Variants in PCDH11X observed in about 807,000 individuals in gnomAD.
The protein encoded by PCDH11X is protocadherin 11 X-linked, also known as protocadherin-11 X-linked.
Under a neutral mutation model 53.3 loss-of-function variants are expected in PCDH11X, and 18 were observed. The ratio of observed to expected loss-of-function variants is 0.34; its 90% confidence interval spans 0.23 to 0.50. The LOEUF (loss-of-function observed/expected upper bound fraction) is 0.50. Ranked by LOEUF, PCDH11X falls within the 20% of genes least tolerant of loss-of-function variation. The pLI is 0.98. For missense variants in PCDH11X, 570 were observed against 1,032.4 expected, an observed-to-expected ratio of 0.55 and a Z score of 6.14; for synonymous variants, 279 against 393.3, an observed-to-expected ratio of 0.71 and a Z score of 3.44.
At chrX:91,791,683 G>GGTT (rs780373820) in intron 1 of PCDH11X, among the ~76,000 whole-genome samples, 3 of 94,369 alleles carry the variant, frequency 3.2e-5, no homozygotes, top group Non-Finnish European at 2.1e-5. Flanking sequence ...TCTTTTTAGG[G>GGTT]TTTTTTTTTT....
At chrX:91,800,847 AG>A (rs1185597024) in intron 1 of PCDH11X, among the ~76,000 whole-genome samples, 2 of 108,919 alleles carry the variant, frequency 1.8e-5, no homozygotes, top group African/African-American at 6.7e-5. Context: ...TACATTCAAA[AG>A]TTATTCATTT....
chrX:92,306,566 AAG>A (rs1206194014), intron 8 of PCDH11X, among the ~76,000 whole-genome samples: 1 of 109,424 alleles, frequency 9.1e-6, no homozygotes, highest in Non-Finnish European at 1.9e-5. Flanking sequence ...TCAAGAATGA[AAG>A]AGAGAGATAG....
chrX:92,122,851 T>G (rs944351059), intron 6 of PCDH11X, among the ~76,000 whole-genome samples: 37 of 110,790 alleles, frequency 3.3e-4, no homozygotes, highest in Non-Finnish European at 5.9e-4. Context: ...GCAGGAGAGT[T>G]GCTTGAACCT....
chrX:91,805,658 A>T (rs745924105), intron 1 of PCDH11X, among the ~76,000 whole-genome samples: 3 of 87,056 alleles, frequency 3.4e-5, no homozygotes, highest in African/African-American at 1.1e-4. Flanking sequence ...TCTACAAAAA[A>T]CATTTTTTTT....
intron 7 of PCDH11X, among the ~76,000 whole-genome samples, chrX:92,250,596 T>TATATAC (rs1491457493): frequency 3.8e-5 from 1 of 26,609 alleles, no homozygotes; most frequent in Admixed American, 2.6e-4. Flanking sequence ...TGTGTGTATG[T>TATATAC]ATATATATAT....
chrX:92,163,111 T>A (rs1312576871), intron 6 of PCDH11X, among the ~76,000 whole-genome samples: 1 of 105,013 alleles, frequency 9.5e-6, no homozygotes, highest in Non-Finnish European at 2.0e-5. Flanking sequence ...GTCAGGGAAG[T>A]AGGGGAAAGC....
chrX:92,336,690 A>G (rs1210527532), intron 8 of PCDH11X, among the ~76,000 whole-genome samples: 2 of 111,924 alleles, frequency 1.8e-5, no homozygotes, highest in Non-Finnish European at 3.8e-5. Flanking sequence ...CAAAGTTTTC[A>G]AAGTTTCTAA....
intron 6 of PCDH11X, chrX:91,982,650 A>G: frequency 8.7e-7 from 1 of 1,146,707 alleles, no homozygotes; most frequent in East Asian, 3.0e-5. Flanking sequence ...TAGAGTATTC[A>G]TTTATGCTTG....
intron 10 of PCDH11X, among the ~76,000 whole-genome samples, chrX:92,584,696 G>C (rs748450075): frequency 9.3e-6 from 1 of 107,655 alleles, no homozygotes; most frequent in South Asian, 4.1e-4. Context: ...TGAAAGAAAG[G>C]ATAACAATTC....
chrX:92,058,051 C>T lies in PCDH11X; in HGVS notation c.3034-143324C>T, dbSNP rs531070944. On this transcript the variant is annotated intron_variant, in intron 6 of 10. Coordinates refer to ENST00000682573, the MANE Select transcript of PCDH11X (RefSeq NM_032968.5). ...GGGACAAAACCTCCCAGTGATCTCTCCTCACTTCTCTCAGGCCTATTTTAA... is the reference window on the plus strand; with the variant it reads ...GGGACAAAACCTCCCAGTGATCTCTTCTCACTTCTCTCAGGCCTATTTTAA... Among the ~76,000 whole-genome samples, 14 of 101,024 alleles carry T rather than the reference C, an allele frequency of 1.4e-4. No individual in the cohort carries two copies. In the South Asian group the frequency reaches 5.1e-3, roughly 37 times the overall value. The allele number at this position is 101,024 out of a possible 115,157, so 87.7% of individuals were successfully genotyped here. A position where few individuals can be genotyped will look rare whatever the true frequency, so the allele number is the denominator to read the frequency against.
chrX:92,579,653 C>T (rs1284424872), intron 10 of PCDH11X, among the ~76,000 whole-genome samples: 1 of 110,913 alleles, frequency 9.0e-6, no homozygotes, highest in African/African-American at 3.3e-5. Flanking sequence ...AATGTTTTAT[C>T]GTGGTTCTTA....
At chrX:91,822,311 T>C (rs1390900139) in intron 4 of PCDH11X, among the ~76,000 whole-genome samples, 1 of 105,842 alleles carries the variant, frequency 9.4e-6, no homozygotes, top group Non-Finnish European at 1.9e-5. Flanking sequence ...TCCTGGACTC[T>C]TTTTGGTTGG....
At chrX:92,557,328 G>A (rs1255326586) in intron 10 of PCDH11X, among the ~76,000 whole-genome samples, 11 of 110,601 alleles carry the variant, frequency 9.9e-5, no homozygotes, top group Non-Finnish European at 1.5e-4. Context: ...TTTTCCAAAC[G>A]TTTATGCTCT....
chrX:91,942,493 C>A (rs2061522685), intron 6 of PCDH11X, among the ~76,000 whole-genome samples: 1 of 109,644 alleles, frequency 9.1e-6, no homozygotes, highest in Admixed American at 9.7e-5. Flanking sequence ...ATGCAAACAA[C>A]CAAAGTTCAC....
intron 9 of PCDH11X, among the ~76,000 whole-genome samples, chrX:92,445,731 T>C: frequency 9.1e-6 from 1 of 109,418 alleles, no homozygotes; most frequent in Non-Finnish European, 1.9e-5. Context: ...GGAGAGAATG[T>C]TGAATTGAAT....
At chrX:91,825,268 C>G (rs1179239529) in intron 4 of PCDH11X, among the ~76,000 whole-genome samples, 3 of 110,478 alleles carry the variant, frequency 2.7e-5, no homozygotes, top group East Asian at 5.7e-4. Flanking sequence ...GTGCCCCTCC[C>G]CCAGCCTCGC....
chrX:92,514,542 C>T (rs1194358919), intron 10 of PCDH11X, among the ~76,000 whole-genome samples: 1 of 105,668 alleles, frequency 9.5e-6, no homozygotes, highest in Non-Finnish European at 1.9e-5. Flanking sequence ...CCAGCCTGGC[C>T]AACATGGTGA....
At chrX:91,867,662 A>G (rs896276510) in intron 5 of PCDH11X, among the ~76,000 whole-genome samples, 1 of 110,453 alleles carries the variant, frequency 9.1e-6, no homozygotes, top group African/African-American at 3.3e-5. Flanking sequence ...ACTTACCTGA[A>G]GCTTTCTTTA....
In PCDH11X at chrX:92,446,032, G is replaced by T. The variant is rs189809352; in HGVS notation, c.3344-22267G>T. Among the ~76,000 whole-genome samples the T allele has an allele frequency of 6.4e-3, 702 of 109,116 alleles. 7 individuals are homozygous for T. The highest frequency in any genetic ancestry group is 0.022 in the African/African-American group (672 of 29,978). The allele number at this position is 109,116 out of a possible 115,157, so 94.8% of individuals were successfully genotyped here. On this transcript the variant is annotated intron_variant, in intron 9 of 10. Coordinates refer to ENST00000682573, the MANE Select transcript of PCDH11X (RefSeq NM_032968.5). ...TCCTTAATTTAACCTCATATTATTGGTTTTGTGTCATGTCTCAATATGTCA... is the reference window on the plus strand; with the variant it reads ...TCCTTAATTTAACCTCATATTATTGTTTTTGTGTCATGTCTCAATATGTCA...
Sources: gnomAD v4.1 joint callset for allele counts (sites outside exome capture counted in the v4.1 genomes callset) on GRCh38, gnomAD v4.1.1 for gene constraint, MANE v1.5 for transcripts, NCBI Gene and HGNC (gene_info 2026-07-23, HGNC 2026-07-21) for gene names.